The following KMT2A variants were observed in gnomAD, a reference collection of about 807,000 sequenced individuals.
The protein encoded by KMT2A is lysine methyltransferase 2A, also known as histone-lysine N-methyltransferase 2A.
A neutral mutation model predicts 345.3 loss-of-function variants in KMT2A; 16 were observed. The ratio of observed to expected loss-of-function variants is 0.05; its 90% CI spans 0.03 to 0.07. The LOEUF (loss-of-function observed/expected upper bound fraction) is 0.07, where lower values mean the gene tolerates loss of function less well. KMT2A is among the 10% of genes least tolerant of loss of function. The probability of loss-of-function intolerance (pLI) is 1.00; values close to 1 mark genes in which losing one functional copy is unlikely to be tolerated. For missense variants in KMT2A, 3,272 were observed against 4,841.6 expected, an observed-to-expected ratio of 0.68 and a Z score of 9.62; for synonymous variants, 1,599 against 1,778.6, an observed-to-expected ratio of 0.90 and a Z score of 2.54.
In KMT2A at chr11:118,509,154, G is replaced by C. The variant is rs782312028; in HGVS notation, c.10854G>C (p.Pro3618=). ...TATTTAGGCAAGTCGCTGTTCTTCC[G>C]GAAGTTCAGGTGACCCAAAATCCAG... The part of the protein sequence containing the change: ...GQPAGQVAVL[P]EVQVTQNPAN... The change falls in exon 29 of 36, where the codon CCG becomes CCC. Residue 3618 remains proline, a synonymous_variant. Coordinates refer to ENST00000534358, the MANE Select transcript of KMT2A (RefSeq NM_001197104.2). The C allele has an allele frequency of 6.2e-7, 1 of 1,613,632 alleles. No homozygotes were observed. The highest frequency in any genetic ancestry group is 8.5e-7 in the Non-Finnish European group (1 of 1,179,746).
intron 10 of KMT2A, among the ~76,000 whole-genome samples, chr11:118,485,282 A>G (rs1377712419): frequency 6.6e-6 from 1 of 152,158 alleles, no homozygotes; most frequent in Non-Finnish European, 1.5e-5. Flanking sequence ...AAGGGATGCT[A>G]TTGATGGTTA....
Position 118,474,014 on chromosome 11 carries a change from A to T in KMT2A, c.2855A>T (p.Asp952Val), listed in dbSNP as rs782719950. The change falls in exon 3 of 36, where the codon GAT becomes GTT. Residue 952 changes from aspartate (D) to valine (V), a missense_variant. By Grantham distance (152) the Asp-to-Val change is radical. Transcript: ENST00000534358. ...GATATTACTTCTGTGACTCTTGGGGATACAACAGCTGTCAAAACCAAAATA... is the reference window on the plus strand; with the variant it reads ...GATATTACTTCTGTGACTCTTGGGGTTACAACAGCTGTCAAAACCAAAATA... The part of the protein sequence containing the change: ...GTDITSVTLG[D>V]TTAVKTKILI... The T allele has an allele frequency of 3.7e-6, 6 of 1,613,876 alleles. No homozygotes were observed. Among genetic ancestry groups the T allele is most frequent in the Admixed American group, 1.7e-5 (1 of 59,944 alleles).
chr11:118,485,757 G>A (rs1950216572), intron 10 of KMT2A, among the ~76,000 whole-genome samples: 1 of 152,176 alleles, frequency 6.6e-6, no homozygotes, highest in South Asian at 2.1e-4. Flanking sequence ...CAACCCGAAA[G>A]TCCATCTATA....
chr11:118,443,167 T>C lies in KMT2A; in HGVS notation c.432+6223T>C, dbSNP rs934815331. Among the ~76,000 whole-genome samples, 6 of 152,184 alleles carry C rather than the reference T, an allele frequency of 3.9e-5. No individual in the cohort carries two copies. The South Asian group carries it at 8.3e-4, about 21-fold the overall frequency. ...ATGACAGTGTGGATGCTACTGGCCC[T>C]GTGGCTGAGGTAGATTATGCTGGGA... On this transcript the variant is annotated intron_variant, in intron 1 of 35. Transcript: ENST00000534358.
rs555677951 is a variant in KMT2A at position 118,497,092 on chromosome 11, C to T, written c.5664+725C>T. Among the ~76,000 whole-genome samples, 3 of 152,078 alleles carry T rather than the reference C, an allele frequency of 2.0e-5. No homozygotes were observed. The highest frequency in any genetic ancestry group is 4.4e-5 in the Non-Finnish European group (3 of 68,032). On this transcript the variant is annotated intron_variant, in intron 20 of 35. Coordinates refer to ENST00000534358, the MANE Select transcript of KMT2A (RefSeq NM_001197104.2). The surrounding 1 kb of genome is among the most constrained non-coding windows in gnomAD (Gnocchi z 4.8). ...TGATCTCGGCTCACTACAACCTCCG[C>T]CTCCTATGTTCAAGCAATTCTCCTG...
Position 118,501,660 on chromosome 11 carries a change from T to C in KMT2A, c.6320-12T>C. The C allele has an allele frequency of 1.9e-6, 3 of 1,597,148 alleles. No homozygotes were observed. The highest frequency in any genetic ancestry group is 2.6e-6 in the Non-Finnish European group (3 of 1,174,160). On this transcript the variant is annotated splice_polypyrimidine_tract_variant and intron_variant, in intron 25 of 35. Coordinates refer to ENST00000534358, the MANE Select transcript of KMT2A (RefSeq NM_001197104.2). ...GGCCTTTTTAGTTAAGAGTTTTTAT[T>C]TCCTGCCACAGAAAGTTCATCAAAA...
chr11:118,493,602 C>A lies in KMT2A; in HGVS notation c.5178+372C>A, dbSNP rs1387236193. ...AATAATGTGCCTTTCTTTATAAGGT[C>A]TTCATTTGTAGATAGATGCCTGTTA... On this transcript the variant is annotated intron_variant, in intron 16 of 35. Coordinates refer to ENST00000534358, the MANE Select transcript of KMT2A (RefSeq NM_001197104.2). This position sits in a 1 kb window ranked among gnomAD's most constrained non-coding sequence, Gnocchi z 5.8. Among the ~76,000 whole-genome samples the A allele has an allele frequency of 6.6e-6, 1 of 152,052 alleles. No individual in the cohort carries two copies.
intron 1 of KMT2A, among the ~76,000 whole-genome samples, chr11:118,457,518 G>A (rs1949668887): frequency 6.6e-6 from 1 of 151,356 alleles, no homozygotes; most frequent in Admixed American, 6.6e-5. Context: ...TGATCCACCT[G>A]CGTTGGCCTC....
chr11:118,439,113 G>C (rs1555139522), intron 1 of KMT2A: 1 of 496,738 alleles, frequency 2.0e-6, no homozygotes, highest in South Asian at 1.5e-5. Flanking sequence ...CATGGAGTTG[G>C]TGCTTAAATG....
rs1950670784 is a variant in KMT2A at position 118,510,735 on chromosome 11, C to A, written c.11071+617C>A. 6.6e-6 allele frequency among the ~76,000 whole-genome samples: 1 copy of A among 152,148 alleles called. No individual in the cohort carries two copies. The highest frequency in any genetic ancestry group is 2.4e-5 in the African/African-American group (1 of 41,416). On this transcript the variant is annotated intron_variant, in intron 30 of 35. Coordinates refer to ENST00000534358, the MANE Select transcript of KMT2A (RefSeq NM_001197104.2). The surrounding 1 kb of genome is among the most constrained non-coding windows in gnomAD (Gnocchi z 4.1). ...TATCGCAAGCATCTAAGTGTTCATCCACCTTTGAAGGACTAGTAAATGTTC... is the reference window on the plus strand; with the variant it reads ...TATCGCAAGCATCTAAGTGTTCATCAACCTTTGAAGGACTAGTAAATGTTC...
In KMT2A at chr11:118,502,905, T is replaced by C; in HGVS notation, c.7013T>C (p.Val2338Ala). Residue 2338 changes from valine to alanine, a missense_variant, in exon 27 of 36, where the codon GTT becomes GCT. Around this residue, in one of 27 missense-constraint regions of KMT2A, gnomAD observed 445 missense variants for 500.9 expected, o/e 0.89. Coordinates refer to ENST00000534358, the MANE Select transcript of KMT2A (RefSeq NM_001197104.2). The surrounding 1 kb of genome is among the most constrained non-coding windows in gnomAD (Gnocchi z 4.9). Reference sequence around the variant, plus strand: ...GGAATTCCTAAACTGGCCCCACAGGTTCATAACACAACATCTAGAGAACTG... The same window carrying C: ...GGAATTCCTAAACTGGCCCCACAGGCTCATAACACAACATCTAGAGAACTG... ...YPGIPKLAPQ[V>A]HNTTSRELNV... 1 of 1,614,152 alleles carries C rather than the reference T, an allele frequency of 6.2e-7. No individual in the cohort carries two copies.
rs1951006084 is a variant in KMT2A, at chr11:118,523,059, T to G, written c.*887T>G. ...CAGGTGGGGAAGTGGACAGGAGCCA[T>G]TGGTCATAACCAGACAGAATTTGGA... On this transcript the variant is annotated 3_prime_UTR_variant, in exon 36 of 36. Coordinates refer to ENST00000534358, the MANE Select transcript of KMT2A (RefSeq NM_001197104.2). 1 of 219,676 alleles carries G rather than the reference T, an allele frequency of 4.6e-6. No individual in the cohort carries two copies. The highest frequency in any genetic ancestry group is 1.8e-4 in the South Asian group (1 of 5,406). The allele number at this position is 219,676 out of a possible 1,614,324, so 13.6% of individuals were successfully genotyped here.
At chr11:118,516,562 A>G (rs1427775231) in intron 31 of KMT2A, among the ~76,000 whole-genome samples, 1 of 152,190 alleles carries the variant, frequency 6.6e-6, no homozygotes, top group Non-Finnish European at 1.5e-5. Context: ...TGATGTGTTT[A>G]TTGTCTGTCT....
At chr11:118,443,340 CCG>C (rs1555026377) in intron 1 of KMT2A, among the ~76,000 whole-genome samples, 1 of 152,128 alleles carries the variant, frequency 6.6e-6, no homozygotes, top group Non-Finnish European at 1.5e-5. Flanking sequence ...AAATGATGAG[CCG>C]CTTTTCTTGA....
intron 11 of KMT2A, 126 bp from the exon 12 acceptor site, chr11:118,489,666 G>A (rs1555041939): frequency 2.8e-6 from 2 of 721,680 alleles, no homozygotes; most frequent in Non-Finnish European, 4.7e-6. Flanking sequence ...TAATGTATGA[G>A]GAAATTTAAA....
At chr11:118,477,032 T>A in intron 4 of KMT2A, 50 bp downstream of exon 4, 1 of 1,590,648 alleles carries the variant, frequency 6.3e-7, no homozygotes. Context: ...TTGATTTGTT[T>A]GTTGATTATT....
At position 118,467,655 on chromosome 11, in the gene KMT2A, A is replaced by G. The variant is rs187336836; in HGVS notation, c.433-1120A>G. 1.1e-4 allele frequency among the ~76,000 whole-genome samples: 17 copies of G among 152,366 alleles called. No individual in the cohort carries two copies. The East Asian group carries it at 1.2e-3, about 10-fold the overall frequency. On this transcript the variant is annotated intron_variant, in intron 1 of 35. Transcript: ENST00000534358. ...GTCATGGCTGAAAAATGGCTAAGAC[A>G]GTTAGCACCTGACTCTAGTTTTAAA... is the stretch of plus-strand genomic sequence containing the variant.
chr11:118,501,635 G>A (rs1591279094), intron 25 of KMT2A, 37 bp from the exon 26 acceptor site: 1 of 1,543,290 alleles, frequency 6.5e-7, no homozygotes. Flanking sequence ...ATTTTAATTG[G>A]GCCTTTTTAG....
rs150328852 is a variant in KMT2A at position 118,472,969 on chromosome 11, A to G, written c.1810A>G (p.Met604Val). ...ATTTTTGCCTGCTTCCACTGCTCCT[A>G]TGCAAGGGAAGCGAAAATCTATTTT... is the stretch of plus-strand genomic sequence containing the variant. The part of the protein sequence containing the change: ...SPFLPASTAP[M>V]QGKRKSILRE... Residue 604 changes from methionine to valine, a missense_variant, in exon 3 of 36, where the codon ATG becomes GTG. Coordinates refer to ENST00000534358, the MANE Select transcript of KMT2A (RefSeq NM_001197104.2). 8.0e-4 allele frequency: 1,288 copies of G among 1,613,930 alleles called. 2 individuals carry two copies. Among genetic ancestry groups the G allele is most frequent in the Non-Finnish European group, 1.0e-3 (1,187 of 1,180,012 alleles).
Sources: gnomAD v4.1 joint callset for allele counts (sites outside exome capture counted in the v4.1 genomes callset) on GRCh38, gnomAD v4.1.1 for gene constraint, gnomAD v4.1.1 regional missense constraint, Gnocchi (gnomAD v3.1) non-coding constraint, MANE v1.5 for transcripts, NCBI Gene and HGNC (gene_info 2026-07-23, HGNC 2026-07-21) for gene names.